The following BEAN1 variants were observed in gnomAD, a reference collection of about 807,000 sequenced individuals.
BEAN1 encodes the protein brain expressed associated with NEDD4 1.
In BEAN1, 17 loss-of-function variants were observed where a neutral mutation model predicts 17.7. The ratio of observed to expected loss-of-function variants is 0.96; its 90% CI spans 0.66 to 1.44. The LOEUF (loss-of-function observed/expected upper bound fraction) is 1.44, where lower values mean the gene tolerates loss of function less well. Ranked by LOEUF, BEAN1 falls within the 40% of genes most tolerant of loss-of-function variation. The pLI is 0.00. For synonymous variants in BEAN1, 142 were observed against 151.8 expected, an observed-to-expected ratio of 0.94 and a Z score of 0.47; for missense variants, 359 against 374.1, an observed-to-expected ratio of 0.96 and a Z score of 0.33.
At chr16:66,470,137 AG>A (rs987926639) in intron 3 of BEAN1, 4 of 562,810 alleles carry the variant, frequency 7.1e-6, no homozygotes, top group Non-Finnish European at 1.3e-5. Flanking sequence ...CTGTTGGTCC[AG>A]GCTGCACCAA....
intron 4 of BEAN1, 117 bp from the exon 5 acceptor site, chr16:66,480,469 G>T: frequency 1.2e-6 from 1 of 812,306 alleles, no homozygotes; most frequent in Non-Finnish European, 1.9e-6. Flanking sequence ...GCGTGGACAA[G>T]GCCCACCCTG....
At chr16:66,444,185 T>C (rs1962358500) in intron 2 of BEAN1, among the ~76,000 whole-genome samples, 1 of 152,182 alleles carries the variant, frequency 6.6e-6, no homozygotes, top group Non-Finnish European at 1.5e-5. Context: ...TGGGTGGCTC[T>C]TCCCCTGTGT....
chr16:66,457,051 G>A (rs955810213), intron 2 of BEAN1, among the ~76,000 whole-genome samples: 12 of 152,234 alleles, frequency 7.9e-5, no homozygotes, highest in Admixed American at 1.3e-4. Context: ...GGAAGCAGAG[G>A]TGGGAGCAGG....
At chr16:66,433,263 C>A (rs1187879403) in intron 1 of BEAN1, among the ~76,000 whole-genome samples, 1 of 152,118 alleles carries the variant, frequency 6.6e-6, no homozygotes, top group African/African-American at 2.4e-5. Context: ...CGCACACCAC[C>A]ACACTCAGCT....
chr16:66,487,142 T>C (rs962152896), downstream of BEAN1, among the ~76,000 whole-genome samples: 3 of 152,216 alleles, frequency 2.0e-5, no homozygotes, highest in Non-Finnish European at 4.4e-5. Context: ...TACAAGACTC[T>C]TCCAAGGAAT....
chr16:66,488,023 G>A (rs1322502488), intron 4 of BEAN1, among the ~76,000 whole-genome samples: 1 of 152,182 alleles, frequency 6.6e-6, no homozygotes, highest in Non-Finnish European at 1.5e-5. Context: ...ACTCCAGCAT[G>A]AGAGGGCAGG....
chr16:66,448,583 A>G (rs1962545000), intron 2 of BEAN1, among the ~76,000 whole-genome samples: 1 of 152,204 alleles, frequency 6.6e-6, no homozygotes, highest in Non-Finnish European at 1.5e-5. Context: ...GCACTTTGGG[A>G]GGCTGAGGCA....
At chr16:66,476,967 A>G (rs1597043226) in intron 3 of BEAN1, among the ~76,000 whole-genome samples, 1 of 152,084 alleles carries the variant, frequency 6.6e-6, no homozygotes, top group South Asian at 2.1e-4. Context: ...AAGGGCAGTG[A>G]GTGTGGGAGG....
chr16:66,449,188 A>C (rs889797431), intron 2 of BEAN1, among the ~76,000 whole-genome samples: 2 of 152,024 alleles, frequency 1.3e-5, no homozygotes, highest in Admixed American at 1.3e-4. Context: ...AGGTCTGGCT[A>C]CTTTTGCTCA....
At position 66,437,554 on chromosome 16, in the gene BEAN1, G is replaced by A. The variant is rs557742482; in HGVS notation, c.-82-41G>A. 1.8e-4 allele frequency: 222 copies of A among 1,213,050 alleles called. No individual in the cohort carries two copies. In the African/African-American group the frequency reaches 2.8e-3, roughly 15 times the overall value. 75.1% of individuals were successfully genotyped at this position (1,213,050 alleles called of 1,614,324 possible). On this transcript the variant is annotated intron_variant, in intron 1 of 4. Transcript: ENST00000536005. Reference sequence around the variant, plus strand: ...CCCAGCCTGCAGGGGCTGTGGGTGCGCCATGGGCCCCCCAACACCTGCCTG... The same window carrying A: ...CCCAGCCTGCAGGGGCTGTGGGTGCACCATGGGCCCCCCAACACCTGCCTG...
chr16:66,440,550 T>C (rs1279409001), intron 2 of BEAN1, among the ~76,000 whole-genome samples: 1 of 152,172 alleles, frequency 6.6e-6, no homozygotes, highest in Non-Finnish European at 1.5e-5. Context: ...TGGTCTCCTT[T>C]GGCAGTGGTG....
At chr16:66,488,053 C>G (rs1964113282) in intron 4 of BEAN1, among the ~76,000 whole-genome samples, 1 of 152,190 alleles carries the variant, frequency 6.6e-6, no homozygotes, top group Admixed American at 6.5e-5. Flanking sequence ...ATTTTAGGCA[C>G]CATGCCCAGC....
chr16:66,474,909 G>C (rs1280948258), intron 3 of BEAN1, among the ~76,000 whole-genome samples: 11 of 152,148 alleles, frequency 7.2e-5, no homozygotes, highest in Admixed American at 6.5e-4. Flanking sequence ...TCTTCATCTG[G>C]TGGAAGGGGT....
At chr16:66,487,975 A>C (rs1329284731) in intron 4 of BEAN1, among the ~76,000 whole-genome samples, 3 of 152,200 alleles carry the variant, frequency 2.0e-5, no homozygotes, top group Non-Finnish European at 4.4e-5. Context: ...CAACTGTTGA[A>C]GGAGGCTGCA....
In BEAN1 at chr16:66,453,731, ATT is replaced by A. The variant is rs150187705; in HGVS notation, c.26-15860_26-15859del. Among the ~76,000 whole-genome samples, 11 of 147,042 alleles carry A rather than the reference ATT, an allele frequency of 7.5e-5. No homozygotes were observed. The East Asian group carries it at 1.2e-3, about 16-fold the overall frequency. ...AGATTATTTAGAAGCATGTAGTTTA[ATT>A]TTTTTTTTTTGGGTCAGGGGGACAG... On this transcript the variant is annotated intron_variant, in intron 2 of 4. Coordinates refer to ENST00000536005, the MANE Select transcript of BEAN1 (RefSeq NM_001178020.3).
At chr16:66,488,935 G>A (rs1433267217) in intron 4 of BEAN1, among the ~76,000 whole-genome samples, 2 of 152,082 alleles carry the variant, frequency 1.3e-5, no homozygotes, top group African/African-American at 4.8e-5. Context: ...ACTTTGAGAG[G>A]CCGAGGCAGG....
chr16:66,478,538 G>A (rs979543831), intron 4 of BEAN1, among the ~76,000 whole-genome samples: 4 of 152,184 alleles, frequency 2.6e-5, no homozygotes, highest in Non-Finnish European at 4.4e-5. Flanking sequence ...GGAGGCGGAG[G>A]TTGTAGTGAG....
chr16:66,482,654 A>G lies in BEAN1; in HGVS notation c.*1729A>G, dbSNP rs535635656. 141 of 360,836 alleles carry G rather than the reference A, an allele frequency of 3.9e-4. No individual in the cohort carries two copies. Among genetic ancestry groups the G allele is most frequent in the African/African-American group, 2.8e-3 (131 of 46,922 alleles). 22.4% of individuals were successfully genotyped at this position (360,836 alleles called of 1,614,324 possible). ...AAACACATCCTGCTTCTGCAATTCC[A>G]GAGAGTGCTGGGGGAAAAAAAGGGA... On this transcript the variant is annotated 3_prime_UTR_variant, in exon 5 of 5. Coordinates refer to ENST00000536005, the MANE Select transcript of BEAN1 (RefSeq NM_001178020.3).
chr16:66,490,218 TAAAAAAAAA>T (rs774079713), intron 4 of BEAN1, among the ~76,000 whole-genome samples: 14 of 43,606 alleles, frequency 3.2e-4, no homozygotes, highest in African/African-American at 1.1e-3. Flanking sequence ...CCATCTCTAC[TAAAAAAAAA>T]AAAAAAAAAA....
Sources: gnomAD v4.1 joint callset for allele counts (sites outside exome capture counted in the v4.1 genomes callset) on GRCh38, gnomAD v4.1.1 for gene constraint, MANE v1.5 for transcripts, NCBI Gene and HGNC (gene_info 2026-07-23, HGNC 2026-07-21) for gene names.